The following SAMD12 variants were observed in gnomAD, a reference collection of about 807,000 sequenced individuals.
SAMD12 encodes the protein sterile alpha motif domain containing 12.
A neutral mutation model predicts 15.0 loss-of-function variants in SAMD12; 9 were observed. That is an observed-to-expected ratio of 0.60 (90% CI 0.36 to 1.05). SAMD12 has a LOEUF of 1.05. Among genes scored for constraint, SAMD12 ranks in the 50% least tolerant of loss-of-function variants. SAMD12 has a pLI of 0.01. For missense variants in SAMD12, 230 were observed against 234.2 expected, an observed-to-expected ratio of 0.98 and a Z score of 0.12; for synonymous variants, 86 against 90.1, an observed-to-expected ratio of 0.96 and a Z score of 0.25.
chr8:118,325,678 T>A (rs1229133146), intron 4 of SAMD12, among the ~76,000 whole-genome samples: 1 of 152,196 alleles, frequency 6.6e-6, no homozygotes, highest in Non-Finnish European at 1.5e-5. Flanking sequence ...CCAGATCTTA[T>A]CATGACTGAA....
intron 2 of SAMD12, among the ~76,000 whole-genome samples, chr8:118,467,340 T>C (rs1416712008): frequency 6.6e-6 from 1 of 152,198 alleles, no homozygotes; most frequent in Non-Finnish European, 1.5e-5. Context: ...TGCTATCTCA[T>C]AGGATTGTTG....
intron 2 of SAMD12, among the ~76,000 whole-genome samples, chr8:118,549,256 G>A (rs1826241856): frequency 6.6e-6 from 1 of 152,232 alleles, no homozygotes; most frequent in Admixed American, 6.5e-5. Context: ...TGACCCCCGA[G>A]CAGCCTAACT....
intron 4 of SAMD12, among the ~76,000 whole-genome samples, chr8:118,368,348 G>C (rs966763558): frequency 1.3e-5 from 2 of 152,164 alleles, no homozygotes; most frequent in Non-Finnish European, 2.9e-5. Flanking sequence ...ATTCCTATTA[G>C]GTTACTCATC....
the SAMD12 span, among the ~76,000 whole-genome samples, chr8:118,155,777 T>G: frequency 6.6e-6 from 1 of 152,200 alleles, no homozygotes; most frequent in Non-Finnish European, 1.5e-5. Flanking sequence ...GATGAATAAT[T>G]AAAAGGAAAT....
chr8:118,522,159 C>A (rs1354165134), intron 2 of SAMD12, among the ~76,000 whole-genome samples: 2 of 75,202 alleles, frequency 2.7e-5, no homozygotes, highest in African/African-American at 1.2e-4. Flanking sequence ...TTCAGTGAAA[C>A]ACACACACAC....
chr8:118,613,124 G>C (rs1214683528), intron 1 of SAMD12, among the ~76,000 whole-genome samples: 2 of 152,146 alleles, frequency 1.3e-5, no homozygotes, highest in African/African-American at 4.8e-5. Context: ...TCTTGATGGT[G>C]GTAGTGGTTA....
At chr8:118,514,624 C>T (rs2131074725) in intron 2 of SAMD12, among the ~76,000 whole-genome samples, 1 of 152,296 alleles carries the variant, frequency 6.6e-6, no homozygotes. Flanking sequence ...ACATGAAATG[C>T]TAATTTAGTC....
intron 4 of SAMD12, among the ~76,000 whole-genome samples, chr8:118,361,767 C>G (rs2130640492): frequency 6.6e-6 from 1 of 152,246 alleles, no homozygotes; most frequent in East Asian, 1.9e-4. Flanking sequence ...ATTTGTTAAT[C>G]ACAGCTTTGT....
chr8:118,477,885 G>C (rs1359118519), intron 2 of SAMD12, among the ~76,000 whole-genome samples: 1 of 151,796 alleles, frequency 6.6e-6, no homozygotes, highest in African/African-American at 2.4e-5. Flanking sequence ...TGTGGCAGAG[G>C]GTGCCTGTAG....
chr8:118,368,894 C>T (rs982090887), intron 4 of SAMD12, among the ~76,000 whole-genome samples: 3 of 152,142 alleles, frequency 2.0e-5, no homozygotes, highest in Admixed American at 1.3e-4. Context: ...TTTCTGCCAC[C>T]CTTTGTGCAC....
At chr8:118,363,867 T>G (rs1818628288) in intron 4 of SAMD12, among the ~76,000 whole-genome samples, 1 of 152,230 alleles carries the variant, frequency 6.6e-6, no homozygotes, top group African/African-American at 2.4e-5. Context: ...TTTGCAAAAT[T>G]ACTGTGTGAA....
At position 118,428,947 on chromosome 8, in the gene SAMD12, T is replaced by C. The variant is rs1390296820; in HGVS notation, c.322+10885A>G. On this transcript the variant is annotated intron_variant, in intron 3 of 3. Coordinates refer to ENST00000314727, the MANE Select transcript of SAMD12 (RefSeq NM_207506.3). ...ACGTCTTTGCACTTCTATACAAATT[T>C]CAGAATCAATGTGTTCATTTTATTT... Among the ~76,000 whole-genome samples the C allele has an allele frequency of 4.6e-5, 7 of 152,302 alleles. No individual in the cohort carries two copies. In the East Asian group the frequency reaches 1.3e-3, roughly 29 times the overall value.
intron 3 of SAMD12, among the ~76,000 whole-genome samples, chr8:118,416,841 T>A (rs1261717218): frequency 6.6e-6 from 1 of 152,260 alleles, no homozygotes; most frequent in Non-Finnish European, 1.5e-5. Context: ...TACAATAATC[T>A]GATTTTGATG....
At chr8:118,167,184 A>T in the SAMD12 span, among the ~76,000 whole-genome samples, 7 of 151,086 alleles carry the variant, frequency 4.6e-5, no homozygotes, top group African/African-American at 7.3e-5. Context: ...TACTCCCCCC[A>T]GCCCCCCGCG....
intron 2 of SAMD12, among the ~76,000 whole-genome samples, chr8:118,497,800 C>T (rs56411623): frequency 0.1 from 15,432 of 149,484 alleles, 1,010 homozygotes; most frequent in East Asian, 0.27. Flanking sequence ...AAAAAAGATG[C>T]CATTTTGAGG....
chr8:118,524,288 G>A lies in SAMD12; in HGVS notation c.192+56427C>T, dbSNP rs141717001. Among the ~76,000 whole-genome samples, 382 of 152,116 alleles carry A rather than the reference G, an allele frequency of 2.5e-3. 8 individuals carry two copies. The highest frequency in any genetic ancestry group is 1.2e-3 in the East Asian group (6 of 5,160). The stretch of plus-strand genomic sequence containing the variant: ...TGAATCCTATGGGCAATTCTCAGGC[G>A]CCGTAATTAACAAAGCAAGAACATT... On this transcript the variant is annotated intron_variant, in intron 2 of 3. Coordinates refer to ENST00000314727, the MANE Select transcript of SAMD12 (RefSeq NM_207506.3).
chr8:118,317,635 C>T (rs1586510077), intron 4 of SAMD12, among the ~76,000 whole-genome samples: 1 of 152,114 alleles, frequency 6.6e-6, no homozygotes, highest in Admixed American at 6.6e-5. Context: ...AAGGGTGCAA[C>T]AAGAAAGGCT....
intron 3 of SAMD12, among the ~76,000 whole-genome samples, chr8:118,425,194 T>A (rs1461871685): frequency 6.6e-6 from 1 of 152,156 alleles, no homozygotes; most frequent in Non-Finnish European, 1.5e-5. Context: ...CGCCTTGGCC[T>A]CCCAAAGTGC....
At chr8:118,263,993 G>A (rs1813142540) in intron 4 of SAMD12, among the ~76,000 whole-genome samples, 1 of 152,064 alleles carries the variant, frequency 6.6e-6, no homozygotes, top group Non-Finnish European at 1.5e-5. Context: ...AAGCATAGTT[G>A]TATTCCATTG....
Sources: allele counts gnomAD v4.1 joint callset (sites outside exome capture counted in the v4.1 genomes callset), GRCh38; gene constraint gnomAD v4.1.1; transcripts MANE v1.5; gene names NCBI Gene and HGNC (gene_info 2026-07-23, HGNC 2026-07-21).